The following CCDC102B variants were observed in gnomAD, a reference collection of about 807,000 sequenced individuals.
CCDC102B encodes the protein coiled-coil domain containing 102B, also known as coiled-coil domain-containing protein 102B.
In CCDC102B, 75 loss-of-function variants were observed where a neutral mutation model predicts 57.4. The ratio of observed to expected loss-of-function variants is 1.31; its 90% CI spans 1.08 to 1.58. The LOEUF is 1.58. Among genes scored for constraint, CCDC102B ranks in the 40% most tolerant of loss-of-function variants. The pLI, the probability that CCDC102B is intolerant of heterozygous loss-of-function variation, is 0.00. For synonymous variants in CCDC102B, 206 were observed against 201.9 expected (o/e 1.02, Z -0.17); for missense variants, 636 against 582.6 (o/e 1.09, Z -0.94).
At chr18:68,914,617 T>G (rs1476889365) in intron 6 of CCDC102B, among the ~76,000 whole-genome samples, 17 of 152,140 alleles carry the variant, frequency 1.1e-4, no homozygotes, top group Admixed American at 1.1e-3. Context: ...CCATCTTCAG[T>G]TTGGAAACAT....
At chr18:68,721,154 A>G (rs1351474112) in intron 2 of CCDC102B, 1 of 152,250 alleles carries the variant, frequency 6.6e-6, no homozygotes, top group Non-Finnish European at 1.5e-5. Flanking sequence ...TCATTTGTTA[A>G]TAGCAACAAT....
At chr18:68,800,099 A>T (rs924002333) in intron 1 of CCDC102B, among the ~76,000 whole-genome samples, 1 of 152,132 alleles carries the variant, frequency 6.6e-6, no homozygotes, top group Non-Finnish European at 1.5e-5. Flanking sequence ...TTGCAAGAAA[A>T]TGAACATTAT....
chr18:69,036,520 G>A (rs994902419), intron 7 of CCDC102B, among the ~76,000 whole-genome samples: 18 of 152,024 alleles, frequency 1.2e-4, no homozygotes, highest in African/African-American at 4.1e-4. Flanking sequence ...TATTTATATA[G>A]AAATTTTCAA....
At position 68,897,365 on chromosome 18, in the gene CCDC102B, A is replaced by G. The variant is rs764357141; in HGVS notation, c.1200A>G (p.Leu400=). 4 of 1,612,850 alleles carry G rather than the reference A, an allele frequency of 2.5e-6. No individual in the cohort carries two copies. Among genetic ancestry groups the G allele is most frequent in the Non-Finnish European group, 3.4e-6 (4 of 1,179,280 alleles). The change falls in exon 6 of 8, where the codon TTA becomes TTG. Residue 400 remains leucine, a synonymous_variant. Transcript: ENST00000360242. ...MEELLDKKNR[L]SANSQSPDFK... is the part of the protein sequence containing the mutation. Reference sequence around the variant, plus strand: ...AGCTTTTGGATAAGAAAAATAGATTAAGTGCAAACTCTCAAAGTCCTGATT... The same window carrying G: ...AGCTTTTGGATAAGAAAAATAGATTGAGTGCAAACTCTCAAAGTCCTGATT...
intron 6 of CCDC102B, among the ~76,000 whole-genome samples, chr18:68,907,455 G>C (rs1489417796): frequency 6.6e-6 from 1 of 151,962 alleles, no homozygotes; most frequent in Admixed American, 6.5e-5. Context: ...CCATATATTT[G>C]TGTCTTTTTA....
At chr18:69,035,303 T>G (rs992035594) in intron 7 of CCDC102B, among the ~76,000 whole-genome samples, 1 of 152,072 alleles carries the variant, frequency 6.6e-6, no homozygotes, top group African/African-American at 2.4e-5. Context: ...TGGAAGGTAC[T>G]TGGTAAATAT....
chr18:69,052,623 T>G (rs987368951), intron 7 of CCDC102B, among the ~76,000 whole-genome samples: 9 of 151,948 alleles, frequency 5.9e-5, no homozygotes, highest in African/African-American at 2.2e-4. Context: ...TGGTATAGCC[T>G]ACTCCATTAT....
rs997754166 is a variant in CCDC102B, at chr18:68,893,971, G to A, written c.1054-3248G>A. Reference sequence around the variant, plus strand: ...TTCAAACATTTTTCTTGCTTTCTGTGCTTGGTACACTCTGGGTCTGGCTGT... The same window carrying A: ...TTCAAACATTTTTCTTGCTTTCTGTACTTGGTACACTCTGGGTCTGGCTGT... On this transcript the variant is annotated intron_variant, in intron 5 of 7. Coordinates refer to ENST00000360242, the MANE Select transcript of CCDC102B (RefSeq NM_024781.3). 2.0e-5 allele frequency among the ~76,000 whole-genome samples: 3 copies of A among 152,088 alleles called. No homozygotes were observed. In the East Asian group the frequency reaches 5.8e-4, roughly 29 times the overall value.
At chr18:68,977,091 C>T (rs879415226) in intron 6 of CCDC102B, among the ~76,000 whole-genome samples, 6 of 151,830 alleles carry the variant, frequency 4.0e-5, no homozygotes, top group Non-Finnish European at 7.4e-5. Context: ...ACATTAATTG[C>T]ATCTTATTTT....
intron 6 of CCDC102B, among the ~76,000 whole-genome samples, chr18:68,965,233 T>C (rs1033337302): frequency 1.3e-5 from 2 of 151,978 alleles, no homozygotes; most frequent in African/African-American, 4.8e-5. Context: ...TCAGGAAGTC[T>C]GTTCATTTCT....
chr18:68,890,308 T>C (rs2040029186), intron 5 of CCDC102B, among the ~76,000 whole-genome samples: 1 of 152,138 alleles, frequency 6.6e-6, no homozygotes, highest in Non-Finnish European at 1.5e-5. Flanking sequence ...CAATTATGGC[T>C]CACTGCAGCT....
chr18:68,905,480 C>T (rs1009567009), intron 6 of CCDC102B, among the ~76,000 whole-genome samples: 2 of 150,928 alleles, frequency 1.3e-5, no homozygotes, highest in African/African-American at 4.9e-5. Context: ...ATTCACTATT[C>T]TTTTTTCTTC....
intron 2 of CCDC102B, among the ~76,000 whole-genome samples, chr18:68,786,954 G>A (rs547532836): frequency 3.9e-5 from 6 of 152,280 alleles, no homozygotes; most frequent in African/African-American, 1.4e-4. Context: ...GCATGATATT[G>A]GCTGTGGGTT....
intron 4 of CCDC102B, among the ~76,000 whole-genome samples, chr18:68,867,303 T>TA (rs1418490842): frequency 6.6e-6 from 1 of 152,142 alleles, no homozygotes; most frequent in African/African-American, 2.4e-5. Context: ...CCCTTGTTTC[T>TA]AAATATGGAG....
chr18:68,750,729 C>T lies in CCDC102B; in HGVS notation c.-67+34135C>T, dbSNP rs559095339. On this transcript the variant is annotated intron_variant, in intron 2 of 3. Coordinates refer to the CCDC102B transcript ENST00000578970. Reference sequence around the variant, plus strand: ...AAACCGAACACCACATGTTCTCACTCATAGGTGGGAATTGAACAATGAGAA... The same window carrying T: ...AAACCGAACACCACATGTTCTCACTTATAGGTGGGAATTGAACAATGAGAA... Among the ~76,000 whole-genome samples the T allele has an allele frequency of 2.9e-4, 42 of 144,110 alleles. No homozygotes were observed. The Admixed American group carries it at 3.1e-3, about 11-fold the overall frequency. 94.5% of individuals were successfully genotyped at this position (144,110 alleles called of 152,430 possible). A position where few individuals can be genotyped will look rare whatever the true frequency, so the allele number is the denominator to read the frequency against.
chr18:69,009,924 A>ATTTTTTTT (rs770668683), intron 6 of CCDC102B, among the ~76,000 whole-genome samples: 882 of 33,490 alleles, frequency 0.026, 234 homozygotes, highest in African/African-American at 0.058. Context: ...TTTAATAAAG[A>ATTTTTTTT]TTTTTTTTTT....
chr18:68,949,794 T>C (rs1028970949), intron 6 of CCDC102B, among the ~76,000 whole-genome samples: 1 of 152,144 alleles, frequency 6.6e-6, no homozygotes, highest in African/African-American at 2.4e-5. Flanking sequence ...TTAAAAAGCT[T>C]CTGCTAGTAT....
intron 2 of CCDC102B, among the ~76,000 whole-genome samples, chr18:68,741,210 C>T (rs992793925): frequency 6.6e-6 from 1 of 152,172 alleles, no homozygotes; most frequent in Admixed American, 6.6e-5. Flanking sequence ...TTTGCAGTTG[C>T]TGTCAAGGCA....
intron 2 of CCDC102B, among the ~76,000 whole-genome samples, chr18:68,777,645 G>C (rs553072479): frequency 1.3e-5 from 2 of 151,980 alleles, no homozygotes; most frequent in South Asian, 4.2e-4. Flanking sequence ...ACTATGTTAT[G>C]GTATATGGAA....
Sources: gnomAD v4.1 joint callset for allele counts (sites outside exome capture counted in the v4.1 genomes callset) on GRCh38, gnomAD v4.1.1 for gene constraint, MANE v1.5 for transcripts, NCBI Gene and HGNC (gene_info 2026-07-23, HGNC 2026-07-21) for gene names.